Variants in CDH12 observed in about 807,000 individuals in gnomAD.
CDH12 encodes cadherin-12.
Under a neutral mutation model 74.1 loss-of-function variants are expected in CDH12, and 41 were observed. The observed-to-expected ratio is 0.55, with a 90% CI of 0.43 to 0.72. The LOEUF (loss-of-function observed/expected upper bound fraction) is 0.72, where lower values mean the gene tolerates loss of function less well. Among genes scored for constraint, CDH12 ranks in the 30% least tolerant of loss-of-function variants. The pLI, the probability that CDH12 is intolerant of heterozygous loss-of-function variation, is 0.00. For missense variants in CDH12, 945 were observed against 977.2 expected (o/e 0.97, Z 0.44); for synonymous variants, 399 against 355.0 (o/e 1.12, Z -1.39).
intron 9 of CDH12, among the ~76,000 whole-genome samples, chr5:21,811,418 G>C (rs1297750173): frequency 6.6e-6 from 1 of 151,866 alleles, no homozygotes; most frequent in Non-Finnish European, 1.5e-5. Context: ...ACCATATTTA[G>C]ATTTTGAGTC....
intron 1 of CDH12, among the ~76,000 whole-genome samples, chr5:22,752,784 C>T (rs755579974): frequency 6.6e-6 from 1 of 151,004 alleles, no homozygotes; most frequent in Non-Finnish European, 1.5e-5. Context: ...CGTTTTTAGC[C>T]GGGATGGTCT....
intron 4 of CDH12, among the ~76,000 whole-genome samples, chr5:22,188,870 A>C (rs2150344030): frequency 6.6e-6 from 1 of 152,326 alleles, no homozygotes; most frequent in African/African-American, 2.4e-5. Flanking sequence ...GGTTTGGAAT[A>C]ACTCTCCTAA....
chr5:22,335,615 AG>A (rs1479834517), intron 3 of CDH12, among the ~76,000 whole-genome samples: 1 of 151,618 alleles, frequency 6.6e-6, no homozygotes, highest in Non-Finnish European at 1.5e-5. Flanking sequence ...AACAAAAACA[AG>A]GGGGAGTTTC....
intron 5 of CDH12, among the ~76,000 whole-genome samples, chr5:21,986,799 T>C (rs1374227678): frequency 3.3e-5 from 5 of 152,126 alleles, no homozygotes; most frequent in Admixed American, 2.6e-4. Flanking sequence ...CATTTCTTAA[T>C]TTATTGTTAG....
chr5:22,613,576 C>A (rs1737526296), intron 1 of CDH12, among the ~76,000 whole-genome samples: 1 of 152,042 alleles, frequency 6.6e-6, no homozygotes, highest in Non-Finnish European at 1.5e-5. Context: ...ATATTCAGTA[C>A]AGATTTTCGA....
intron 1 of CDH12, among the ~76,000 whole-genome samples, chr5:22,662,321 T>G (rs1034185296): frequency 8.5e-5 from 13 of 152,246 alleles, no homozygotes; most frequent in African/African-American, 3.1e-4. Context: ...AAAGTTTAAT[T>G]GAGAAAAGAT....
intron 1 of CDH12, among the ~76,000 whole-genome samples, chr5:22,532,487 T>C (rs2126705884): frequency 1.3e-5 from 2 of 150,194 alleles, no homozygotes; most frequent in South Asian, 2.1e-4. Flanking sequence ...TAGGACATAT[T>C]AGCTGTGTAT....
At chr5:22,533,449 G>C (rs1459955572) in intron 1 of CDH12, among the ~76,000 whole-genome samples, 4 of 152,114 alleles carry the variant, frequency 2.6e-5, no homozygotes, top group Non-Finnish European at 5.9e-5. Flanking sequence ...CAAGAGACTT[G>C]TTTTCTATAT....
intron 1 of CDH12, among the ~76,000 whole-genome samples, chr5:22,815,194 G>A (rs1200566098): frequency 6.6e-6 from 1 of 152,096 alleles, no homozygotes; most frequent in Non-Finnish European, 1.5e-5. Flanking sequence ...CACCACAAGT[G>A]AAGCAGGTTG....
rs766687645 is a variant in CDH12 at position 21,975,376 on chromosome 5, C to A, written c.241G>T (p.Asp81Tyr). ...ACAGTGCCCTCTCCCTTGTCTAAGT[C>A]GGAATGGAGCTTTAGGGAAGAGAAG... Reference protein sequence around the residue: ...EPQYVGKLHSDLDKGEGTVKY... With the variant: ...EPQYVGKLHSYLDKGEGTVKY... The change falls in exon 6 of 15, where the codon GAC (aspartate) becomes TAC (tyrosine). Residue 81 changes from aspartate (D) to tyrosine (Y), a missense_variant. Asp to Tyr is a radical substitution (Grantham distance 160). Around this residue, in one of 3 missense-constraint regions of CDH12, gnomAD observed 148 missense variants for 162.8 expected, o/e 0.91. Coordinates refer to ENST00000382254, the MANE Select transcript of CDH12 (RefSeq NM_004061.5). 3.1e-6 allele frequency: 5 copies of A among 1,587,986 alleles called. No individual in the cohort carries two copies. The East Asian group carries it at 8.9e-5, about 28-fold the overall frequency.
At chr5:22,209,012 G>T (rs187855424) in intron 4 of CDH12, among the ~76,000 whole-genome samples, 75 of 152,272 alleles carry the variant, frequency 4.9e-4, no homozygotes, top group Admixed American at 1.5e-3. Flanking sequence ...GATCATATTT[G>T]TAGTCATTGT....
chr5:22,349,503 T>C (rs546971618), intron 3 of CDH12, among the ~76,000 whole-genome samples: 2 of 152,336 alleles, frequency 1.3e-5, no homozygotes, highest in Admixed American at 6.5e-5. Context: ...GTGGCTATAA[T>C]ACTTACTCAT....
At chr5:22,429,321 T>C (rs985646865) in intron 2 of CDH12, among the ~76,000 whole-genome samples, 1 of 151,840 alleles carries the variant, frequency 6.6e-6, no homozygotes, top group African/African-American at 2.4e-5. Context: ...GCATTTTTTT[T>C]AGAGACACTT....
intron 6 of CDH12, among the ~76,000 whole-genome samples, chr5:21,878,574 CAAAAAA>C (rs55681202): frequency 1.3e-4 from 15 of 119,738 alleles, no homozygotes; most frequent in African/African-American, 4.5e-4. Flanking sequence ...ACCAAAAATA[CAAAAAA>C]AAAAAAAAAA....
intron 3 of CDH12, among the ~76,000 whole-genome samples, chr5:22,259,241 T>C (rs1753429343): frequency 6.6e-6 from 1 of 152,128 alleles, no homozygotes; most frequent in Non-Finnish European, 1.5e-5. Context: ...TCCTCAATGG[T>C]CTAAAACATA....
At position 22,267,778 on chromosome 5, in the gene CDH12, C is replaced by CATAA. The variant is rs1234577227; in HGVS notation, c.-332-55136_-332-55135insTTAT. On this transcript the variant is annotated intron_variant, in intron 3 of 14. Coordinates refer to ENST00000382254, the MANE Select transcript of CDH12 (RefSeq NM_004061.5). ...GTAAGAAGTGAAGGCTTTTCCCTCT[C>CATAA]AAACATTACCAGATCCAACTTGATA... is the stretch of plus-strand genomic sequence containing the variant. Among the ~76,000 whole-genome samples, 217 of 152,154 alleles carry CATAA rather than the reference C, an allele frequency of 1.4e-3. 1 individual carries two copies. The highest frequency in any genetic ancestry group is 2.7e-3 in the Non-Finnish European group (186 of 67,986).
intron 1 of CDH12, among the ~76,000 whole-genome samples, chr5:22,761,378 G>A (rs570180414): frequency 1.1e-4 from 17 of 152,202 alleles, no homozygotes; most frequent in Admixed American, 5.9e-4. Flanking sequence ...GGCTAAGAAC[G>A]GAAAATGCCT....
chr5:22,102,406 C>T (rs113459087), intron 4 of CDH12, among the ~76,000 whole-genome samples: 2,793 of 152,218 alleles, frequency 0.018, 94 homozygotes, highest in African/African-American at 0.064. Context: ...CGGTGGCTCA[C>T]GCCTGTTATC....
intron 1 of CDH12, among the ~76,000 whole-genome samples, chr5:22,764,925 G>A (rs1441737430): frequency 6.6e-6 from 1 of 151,960 alleles, no homozygotes; most frequent in Non-Finnish European, 1.5e-5. Flanking sequence ...AATGCATTGA[G>A]TCCCAGAAGG....
Sources: gnomAD v4.1 joint callset for allele counts (sites outside exome capture counted in the v4.1 genomes callset) on GRCh38, gnomAD v4.1.1 for gene constraint, gnomAD v4.1.1 regional missense constraint, MANE v1.5 for transcripts, NCBI Gene and HGNC (gene_info 2026-07-23, HGNC 2026-07-21) for gene names.